Variants in KDM4C observed in about 807,000 individuals in gnomAD.
KDM4C encodes the protein lysine-specific demethylase 4C.
Under a neutral mutation model 129.3 loss-of-function variants are expected in KDM4C, and 81 were observed. That is an observed-to-expected ratio of 0.63 (90% CI 0.52 to 0.75). KDM4C has a LOEUF of 0.75. Ranked by LOEUF, KDM4C falls within the 30% of genes least tolerant of loss-of-function variation. The pLI, the probability that KDM4C is intolerant of heterozygous loss-of-function variation, is 0.00. For synonymous variants in KDM4C, 573 were observed against 456.1 expected (o/e 1.26, Z -3.26); for missense variants, 1,457 against 1,304.0 (o/e 1.12, Z -1.81).
chr9:7,013,873 T>G lies in KDM4C; in HGVS notation c.2054T>G (p.Leu685Arg). 3.1e-6 allele frequency: 5 copies of G among 1,613,986 alleles called. No individual in the cohort carries two copies. The highest frequency in any genetic ancestry group is 4.2e-6 in the Non-Finnish European group (5 of 1,179,882). Residue 685 changes from leucine (L) to arginine (R), a missense_variant, in exon 14 of 22, where the codon CTC becomes CGC. Coordinates refer to ENST00000381309, the MANE Select transcript of KDM4C (RefSeq NM_015061.6). ...ACATCGGAGGGAAAGACTAAGCCCC[T>G]CATACCAGAGATGTGTTTTATTTAT... ...VVTSEGKTKP[L>R]IPEMCFIYSE... is the part of the protein sequence containing the mutation.
At chr9:6,814,154 T>A (rs185487713) in intron 3 of KDM4C, among the ~76,000 whole-genome samples, 49 of 152,316 alleles carry the variant, frequency 3.2e-4, no homozygotes, top group African/African-American at 1.2e-3. Context: ...AGAGGTGTCA[T>A]TATTTTCTTG....
At chr9:6,832,736 T>G (rs1466524345) in intron 4 of KDM4C, among the ~76,000 whole-genome samples, 2 of 148,122 alleles carry the variant, frequency 1.4e-5, no homozygotes, top group African/African-American at 5.0e-5. Flanking sequence ...TTTTTTTTTT[T>G]TTTTTACGGA....
chr9:6,962,496 C>G (rs953537801), intron 8 of KDM4C, among the ~76,000 whole-genome samples: 1 of 152,054 alleles, frequency 6.6e-6, no homozygotes, highest in Non-Finnish European at 1.5e-5. Flanking sequence ...CATTTTTAAA[C>G]AAAGTATGAG....
chr9:6,739,503 G>A lies in KDM4C; in HGVS notation c.49+18506G>A, dbSNP rs115506328. Among the ~76,000 whole-genome samples, 1,446 of 152,178 alleles carry A rather than the reference G, an allele frequency of 9.5e-3. 22 individuals carry two copies. Among genetic ancestry groups the A allele is most frequent in the African/African-American group, 0.033 (1,375 of 41,512 alleles). ...ACTAAGGCTTCACTCCTGGACACCAGGTTTAAAACTTCTCAGCATCAAATA... is the reference window on the plus strand; with the variant it reads ...ACTAAGGCTTCACTCCTGGACACCAAGTTTAAAACTTCTCAGCATCAAATA... On this transcript the variant is annotated intron_variant, in intron 1 of 17. Transcript: ENST00000536108.
chr9:6,784,664 G>C (rs1825097716), intron 1 of KDM4C, among the ~76,000 whole-genome samples: 1 of 152,222 alleles, frequency 6.6e-6, no homozygotes, highest in African/African-American at 2.4e-5. Context: ...CAGGCAGGTG[G>C]AACAAGATGG....
intron 1 of KDM4C, among the ~76,000 whole-genome samples, chr9:6,773,048 A>G (rs1402066535): frequency 1.4e-5 from 2 of 147,292 alleles, no homozygotes; most frequent in African/African-American, 2.5e-5. Context: ...CACTCAGGCT[A>G]GAGTGGAGTG....
intron 8 of KDM4C, among the ~76,000 whole-genome samples, chr9:6,939,917 T>C (rs372016073): frequency 1.1e-4 from 17 of 152,214 alleles, no homozygotes; most frequent in East Asian, 5.8e-4. Flanking sequence ...GAAACCACTT[T>C]TTATTTTTAC....
At chr9:6,830,809 G>A (rs1035794320) in intron 4 of KDM4C, among the ~76,000 whole-genome samples, 14 of 152,162 alleles carry the variant, frequency 9.2e-5, no homozygotes, top group African/African-American at 3.1e-4. Flanking sequence ...CCAGCCCTCT[G>A]CCATGTGTTA....
chr9:6,725,327 T>G (rs1817086753), intron 1 of KDM4C, among the ~76,000 whole-genome samples: 1 of 151,348 alleles, frequency 6.6e-6, no homozygotes, highest in Admixed American at 6.6e-5. Context: ...GCATCTAGTG[T>G]GTGTGTGTGT....
At chr9:7,137,218 CTG>C (rs1188918628) in intron 19 of KDM4C, among the ~76,000 whole-genome samples, 4 of 152,184 alleles carry the variant, frequency 2.6e-5, no homozygotes, top group Non-Finnish European at 5.9e-5. Flanking sequence ...GAGAGCAGAA[CTG>C]TTGGGAAATG....
chr9:6,788,545 A>G (rs1825919207), intron 1 of KDM4C, among the ~76,000 whole-genome samples: 1 of 152,188 alleles, frequency 6.6e-6, no homozygotes, highest in Admixed American at 6.5e-5. Context: ...GTTTGGGACT[A>G]CTGCTTTCCT....
At chr9:6,726,213 C>G (rs943835722) in intron 1 of KDM4C, among the ~76,000 whole-genome samples, 1 of 152,114 alleles carries the variant, frequency 6.6e-6, no homozygotes, top group Admixed American at 6.6e-5. Context: ...CGTGAGCCAC[C>G]ACAACCGGCC....
At chr9:7,105,448 C>T (rs530633949) in intron 18 of KDM4C, 2 of 470,988 alleles carry the variant, frequency 4.2e-6, no homozygotes, top group Admixed American at 2.3e-5. Flanking sequence ...TGTATTGCTA[C>T]TACTACTTCT....
intron 1 of KDM4C, among the ~76,000 whole-genome samples, chr9:6,742,482 G>T (rs1441463150): frequency 6.6e-6 from 1 of 151,678 alleles, no homozygotes; most frequent in Admixed American, 6.6e-5. Context: ...TTCTGTTAAG[G>T]TTCTGCTGGC....
At chr9:6,910,993 C>T (rs1187068522) in intron 8 of KDM4C, among the ~76,000 whole-genome samples, 1 of 152,104 alleles carries the variant, frequency 6.6e-6, no homozygotes, top group South Asian at 2.1e-4. Context: ...TGAATGCTTA[C>T]TTGTATTACA....
At chr9:6,954,099 C>G (rs1419386565) in intron 8 of KDM4C, among the ~76,000 whole-genome samples, 2 of 152,184 alleles carry the variant, frequency 1.3e-5, no homozygotes. Flanking sequence ...TCACATCAAA[C>G]CAGTCAGGCA....
intron 1 of KDM4C, among the ~76,000 whole-genome samples, chr9:6,780,097 C>T (rs2130750360): frequency 6.6e-6 from 1 of 152,282 alleles, no homozygotes; most frequent in Middle Eastern, 3.4e-3. Flanking sequence ...ACACCACTGA[C>T]CTCACACACA....
At chr9:6,980,892 C>T (rs565631243) in intron 8 of KDM4C, 33 bp from the exon 9 acceptor site, 37 of 1,598,572 alleles carry the variant, frequency 2.3e-5, no homozygotes, top group South Asian at 7.8e-5. Context: ...GTTAGCGAAA[C>T]GTTTAACACT....
chr9:7,141,333 G>T (rs1841719871), intron 19 of KDM4C, among the ~76,000 whole-genome samples: 1 of 151,956 alleles, frequency 6.6e-6, no homozygotes, highest in South Asian at 2.1e-4. Flanking sequence ...GACTATAAGA[G>T]ACTATAAAAG....
Sources: gnomAD v4.1 joint callset for allele counts (sites outside exome capture counted in the v4.1 genomes callset) on GRCh38, gnomAD v4.1.1 for gene constraint, MANE v1.5 for transcripts, NCBI Gene and HGNC (gene_info 2026-07-23, HGNC 2026-07-21) for gene names.